Variants in FBN1 observed in about 807,000 individuals in gnomAD.
FBN1 encodes the protein fibrillin 1.
Under a neutral mutation model 365.1 loss-of-function variants are expected in FBN1, and 29 were observed. The observed-to-expected ratio is 0.08, with a 90% CI of 0.06 to 0.11. The LOEUF (loss-of-function observed/expected upper bound fraction) is 0.11. FBN1 is among the 10% of genes least tolerant of loss of function. FBN1 has a pLI of 1.00. For synonymous variants in FBN1, 1,210 were observed against 1,270.5 expected (o/e 0.95, Z 1.01); for missense variants, 2,476 against 3,703.2 (o/e 0.67, Z 8.60).
At chr15:48,635,663 A>T (rs1019147736) in intron 2 of FBN1, among the ~76,000 whole-genome samples, 1 of 152,238 alleles carries the variant, frequency 6.6e-6, no homozygotes, top group African/African-American at 2.4e-5. Context: ...TGCCCATTAA[A>T]TTTATTTCAT....
intron 49 of FBN1, among the ~76,000 whole-genome samples, chr15:48,443,613 A>T (rs962451538): frequency 6.6e-6 from 1 of 152,214 alleles, no homozygotes. Flanking sequence ...CTAATTGACG[A>T]TATTAAAAGT....
Position 48,472,341 on chromosome 15 carries a change from C to T in FBN1, c.4336+210G>A, listed in dbSNP as rs111450553. Among the ~76,000 whole-genome samples the T allele has an allele frequency of 4.2e-3, 640 of 152,084 alleles. 5 individuals are homozygous for T. Among genetic ancestry groups the T allele is most frequent in the Middle Eastern group, 6.8e-3 (2 of 294 alleles). ...CATGCGGCCAAGGCTGGATGTACAG[C>T]TTGTGGCCAGTCAGCTGAGGTTTTC... On this transcript the variant is annotated intron_variant, in intron 35 of 65. Transcript: ENST00000316623.
chr15:48,527,039 A>G (rs1170849124), intron 8 of FBN1, among the ~76,000 whole-genome samples: 1 of 152,172 alleles, frequency 6.6e-6, no homozygotes, highest in Non-Finnish European at 1.5e-5. Flanking sequence ...GGGAGACAAC[A>G]CTGAAGGCCC....
At chr15:48,423,986 G>GA (rs2042961324) in intron 60 of FBN1, among the ~76,000 whole-genome samples, 3 of 152,098 alleles carry the variant, frequency 2.0e-5, no homozygotes, top group South Asian at 2.1e-4. Flanking sequence ...CCAGAGGTTA[G>GA]AAAAAATGCT....
intron 65 of FBN1, among the ~76,000 whole-genome samples, chr15:48,411,736 C>A (rs1258530137): frequency 6.6e-6 from 1 of 152,222 alleles, no homozygotes; most frequent in South Asian, 2.1e-4. Context: ...TGTCTCCCAA[C>A]AATCAATTTT....
chr15:48,489,890 C>T lies in FBN1; in HGVS notation c.3043G>A (p.Ala1015Thr), dbSNP rs55831697. The change falls in exon 25 of 66, where the codon GCC becomes ACC. Residue 1015 changes from alanine to threonine, a missense_variant. By Grantham distance (58) the Ala-to-Thr change is moderately conservative. This residue lies in a region of FBN1 where 1,780 missense variants were observed against 2,840.8 expected (regional missense o/e 0.63). Transcript: ENST00000316623. The part of the protein sequence containing the change: ...EELCPRGPGF[A>T]TKEITNGKPF... ...TTTCCATTTGTAATTTCTTTTGTGG[C>T]AAATCCGGGTCCTCTCGGACACAGC... 5.5e-5 allele frequency: 88 copies of T among 1,614,164 alleles called. No homozygotes were observed. In the East Asian group the frequency reaches 2.0e-3, roughly 36 times the overall value.
At chr15:48,453,527 A>AT (rs2043218224) in intron 44 of FBN1, among the ~76,000 whole-genome samples, 3 of 152,232 alleles carry the variant, frequency 2.0e-5, no homozygotes, top group Admixed American at 2.0e-4. Context: ...AGCACAGAGA[A>AT]TTTTTAGGGC....
chr15:48,610,461 T>C (rs1239392994), intron 4 of FBN1, among the ~76,000 whole-genome samples: 1 of 152,154 alleles, frequency 6.6e-6, no homozygotes, highest in Non-Finnish European at 1.5e-5. Context: ...CAAAGATGAA[T>C]AAGGCGATAC....
intron 64 of FBN1, among the ~76,000 whole-genome samples, 172 bp downstream of exon 64, chr15:48,415,364 C>G (rs1046155458): frequency 6.6e-6 from 1 of 152,234 alleles, no homozygotes; most frequent in African/African-American, 2.4e-5. Context: ...AATCCAGATG[C>G]TTCCTTCCAA....
chr15:48,504,357 C>T (rs1330330789), intron 16 of FBN1, among the ~76,000 whole-genome samples: 2 of 152,126 alleles, frequency 1.3e-5, no homozygotes, highest in Non-Finnish European at 1.5e-5. Context: ...AAAATAAACA[C>T]GCAATTACTG....
chr15:48,468,329 A>T, intron 37 of FBN1, 83 bp downstream of exon 37: 1 of 1,561,056 alleles, frequency 6.4e-7, no homozygotes, highest in Non-Finnish European at 8.8e-7. Flanking sequence ...TCATTTTGCA[A>T]ACTTTGAGAA....
chr15:48,644,794 G>A lies in FBN1; in HGVS notation c.-25C>T, dbSNP rs973269130. On this transcript the variant is annotated 5_prime_UTR_variant, in exon 2 of 66. Coordinates refer to ENST00000316623, the MANE Select transcript of FBN1 (RefSeq NM_000138.5). ...TGATGCCGAGCCGCCACCGGCTCCC[G>A]CCGCCTCTTGCCGCGCCCGGGGCTC... 5.6e-6 allele frequency: 9 copies of A among 1,597,238 alleles called. No homozygotes were observed. Among genetic ancestry groups the A allele is most frequent in the Non-Finnish European group, 6.8e-6 (8 of 1,176,328 alleles).
chr15:48,609,872 T>A (rs1434404028), intron 4 of FBN1, among the ~76,000 whole-genome samples: 4 of 152,192 alleles, frequency 2.6e-5, no homozygotes, highest in Non-Finnish European at 5.9e-5. Context: ...TTCAGACTCT[T>A]AACAGGTAAT....
intron 63 of FBN1, 29 bp from the exon 64 acceptor site, chr15:48,415,796 T>C: frequency 6.4e-7 from 1 of 1,574,562 alleles, no homozygotes; most frequent in East Asian, 2.2e-5. Flanking sequence ...GCGGCATGTG[T>C]GGCAGCAGCC....
chr15:48,447,797 C>T (rs2043171113), intron 46 of FBN1, among the ~76,000 whole-genome samples: 1 of 152,142 alleles, frequency 6.6e-6, no homozygotes, highest in African/African-American at 2.4e-5. Context: ...GAAGCTATTG[C>T]TAACCCAAAG....
intron 30 of FBN1, 138 bp downstream of exon 30, chr15:48,485,236 T>A: frequency 1.8e-6 from 2 of 1,101,940 alleles, no homozygotes; most frequent in Non-Finnish European, 2.7e-6. Context: ...ATAATAGGTA[T>A]CTTGATTAAG....
At chr15:48,574,923 G>A (rs1359830943) in intron 6 of FBN1, among the ~76,000 whole-genome samples, 1 of 152,108 alleles carries the variant, frequency 6.6e-6, no homozygotes, top group Admixed American at 6.6e-5. Flanking sequence ...CACATATAAA[G>A]ATATTAATAC....
In FBN1 at chr15:48,500,729, C is replaced by T. The variant is rs375784669; in HGVS notation, c.2114-1691G>A. 8.8e-4 allele frequency among the ~76,000 whole-genome samples: 134 copies of T among 152,244 alleles called. 2 individuals carry two copies. In the South Asian group the frequency reaches 0.027, roughly 30 times the overall value. On this transcript the variant is annotated intron_variant, in intron 17 of 65. Coordinates refer to ENST00000316623, the MANE Select transcript of FBN1 (RefSeq NM_000138.5). The stretch of plus-strand genomic sequence containing the variant: ...GGGTTTAACTGACCAATTACACTCC[C>T]GTGGGTTTAACTGATCCATGTCTGT...
intron 6 of FBN1, among the ~76,000 whole-genome samples, chr15:48,569,091 T>TA (rs1178395100): frequency 6.6e-6 from 1 of 152,014 alleles, no homozygotes; most frequent in Admixed American, 6.6e-5. Context: ...CAATATCTGA[T>TA]AAAGAACTTG....
Sources: gnomAD v4.1 joint callset for allele counts (sites outside exome capture counted in the v4.1 genomes callset) on GRCh38, gnomAD v4.1.1 for gene constraint, gnomAD v4.1.1 regional missense constraint, MANE v1.5 for transcripts, NCBI Gene and HGNC (gene_info 2026-07-23, HGNC 2026-07-21) for gene names.